Variants in ABCB11 observed in about 807,000 individuals in gnomAD.
The protein encoded by ABCB11 is bile salt export pump.
A neutral mutation model predicts 148.0 loss-of-function variants in ABCB11; 95 were observed. The observed-to-expected ratio is 0.64, with a 90% CI of 0.54 to 0.76. ABCB11 has a LOEUF of 0.76. Ranked by LOEUF, ABCB11 falls within the 30% of genes least tolerant of loss-of-function variation. The pLI is 0.00. For missense variants in ABCB11, 1,523 were observed against 1,617.8 expected, an observed-to-expected ratio of 0.94 and a Z score of 1.01; for synonymous variants, 591 against 555.4, an observed-to-expected ratio of 1.06 and a Z score of -0.90.
intron 21 of ABCB11, among the ~76,000 whole-genome samples, chr2:168,937,852 T>C (rs998961189): frequency 2.0e-5 from 3 of 152,196 alleles, no homozygotes; most frequent in East Asian, 3.8e-4. Flanking sequence ...AGTCCCAATA[T>C]AGATGGAGAA....
intron 19 of ABCB11, among the ~76,000 whole-genome samples, chr2:168,955,828 T>A (rs1391303807): frequency 1.3e-5 from 2 of 151,564 alleles, no homozygotes; most frequent in Non-Finnish European, 3.0e-5. Flanking sequence ...ACTTCCCAGA[T>A]AAAATGGGGG....
rs1218052243 is a variant in ABCB11, at chr2:168,921,759, G to A, written c.*1863C>T. Among the ~76,000 whole-genome samples, 1 of 151,974 alleles carries A rather than the reference G, an allele frequency of 6.6e-6. No homozygotes were observed. The highest frequency in any genetic ancestry group is 2.4e-5 in the African/African-American group (1 of 41,366). On this transcript the variant is annotated 3_prime_UTR_variant, in exon 28 of 28. Coordinates refer to ENST00000650372, the MANE Select transcript of ABCB11 (RefSeq NM_003742.4). Reference sequence around the variant, plus strand: ...GCCTGGGGAAGCTCTGATCGAGTGGGTGCTTGTTGGTTGACAGGTGGGCTT... The same window carrying A: ...GCCTGGGGAAGCTCTGATCGAGTGGATGCTTGTTGGTTGACAGGTGGGCTT...
intron 27 of ABCB11, 71 bp from the exon 28 acceptor site, chr2:168,923,893 A>T: frequency 7.0e-7 from 1 of 1,434,454 alleles, no homozygotes; most frequent in Non-Finnish European, 9.7e-7. Context: ...ATGAGAGTTC[A>T]GTTAACACGA....
intron 18 of ABCB11, among the ~76,000 whole-genome samples, chr2:168,960,866 A>G (rs991724823): frequency 2.6e-5 from 4 of 151,782 alleles, no homozygotes; most frequent in African/African-American, 7.2e-5. Flanking sequence ...ACATAAAGAG[A>G]AGATTATAAA....
chr2:169,012,410 G>C (rs1034062110), intron 5 of ABCB11, among the ~76,000 whole-genome samples: 3 of 152,092 alleles, frequency 2.0e-5, no homozygotes, highest in East Asian at 1.9e-4. Context: ...GTAGCATAGT[G>C]ACTGTGTCTG....
chr2:169,018,209 C>T, intron 1 of ABCB11, 57 bp from the exon 2 acceptor site: 1 of 1,461,152 alleles, frequency 6.8e-7, no homozygotes, highest in East Asian at 2.3e-5. Context: ...CTTCTTTAAT[C>T]AAAGTAGCCA....
At chr2:168,945,173 C>T (rs1311561564) in intron 19 of ABCB11, among the ~76,000 whole-genome samples, 2 of 151,600 alleles carry the variant, frequency 1.3e-5, no homozygotes, top group African/African-American at 4.8e-5. Context: ...ATGTATCATT[C>T]TGGTGGGAGA....
chr2:169,009,294 C>T (rs932616742), intron 5 of ABCB11, among the ~76,000 whole-genome samples: 6 of 152,006 alleles, frequency 3.9e-5, no homozygotes, highest in African/African-American at 1.5e-4. Flanking sequence ...TTTATTGTGG[C>T]ACTATTCACA....
At chr2:169,021,981 A>G (rs1695555097) in intron 1 of ABCB11, among the ~76,000 whole-genome samples, 1 of 152,062 alleles carries the variant, frequency 6.6e-6, no homozygotes, top group African/African-American at 2.4e-5. Flanking sequence ...AAACACTAGT[A>G]AAACACACAC....
chr2:169,017,944 C>T (rs769676833), intron 2 of ABCB11, 106 bp downstream of exon 2: 1 of 891,428 alleles, frequency 1.1e-6, no homozygotes, highest in Non-Finnish European at 1.9e-6. Flanking sequence ...ATACTTCTAC[C>T]TACTGTTGCT....
rs956641869 is a variant in ABCB11, at chr2:169,016,876, C to T, written c.77-77G>A. The T allele has an allele frequency of 4.4e-6, 5 of 1,149,044 alleles. No individual in the cohort carries two copies. In the African/African-American group the frequency reaches 7.9e-5, roughly 18 times the overall value. 71.2% of individuals were successfully genotyped at this position (1,149,044 alleles called of 1,614,324 possible). On this transcript the variant is annotated intron_variant, in intron 2 of 27. Transcript: ENST00000650372. ...TGCAACGCAGTCATTAAGAAATTTG[C>T]TCTAGAAAAATATTCCTATAAATTA... is the stretch of plus-strand genomic sequence containing the variant.
intron 23 of ABCB11, 97 bp downstream of exon 23, chr2:168,935,087 G>C (rs938053971): frequency 1.3e-6 from 2 of 1,499,122 alleles, no homozygotes; most frequent in African/African-American, 1.4e-5. Flanking sequence ...CACCAAGCTT[G>C]GGATGGTTTG....
At chr2:168,943,675 T>G (rs112296270) in intron 21 of ABCB11, among the ~76,000 whole-genome samples, 1 of 152,006 alleles carries the variant, frequency 6.6e-6, no homozygotes, top group Non-Finnish European at 1.5e-5. Context: ...TTTATAGGGA[T>G]TTCCCCCTAA....
intron 15 of ABCB11, 79 bp downstream of exon 15, chr2:168,969,966 C>A: frequency 7.9e-7 from 1 of 1,269,390 alleles, no homozygotes; most frequent in East Asian, 2.6e-5. Context: ...TCCCTCCCAC[C>A]CCACAAGGAG....
Position 168,939,473 on chromosome 2 carries a change from T to C in ABCB11, c.2611-3040A>G, listed in dbSNP as rs149930767. On this transcript the variant is annotated intron_variant, in intron 21 of 27. Coordinates refer to ENST00000650372, the MANE Select transcript of ABCB11 (RefSeq NM_003742.4). ...GGTTTTAGGAACACTACACATAATATGGTTATATTAGGGATATTAATATTT... is the reference window on the plus strand; with the variant it reads ...GGTTTTAGGAACACTACACATAATACGGTTATATTAGGGATATTAATATTT... Among the ~76,000 whole-genome samples, 1,186 of 152,190 alleles carry C rather than the reference T, an allele frequency of 7.8e-3. 16 individuals are homozygous for C. Among genetic ancestry groups the C allele is most frequent in the African/African-American group, 0.027 (1,117 of 41,546 alleles).
chr2:168,943,152 G>A (rs1692143967), intron 21 of ABCB11, among the ~76,000 whole-genome samples: 1 of 151,910 alleles, frequency 6.6e-6, no homozygotes, highest in Non-Finnish European at 1.5e-5. Flanking sequence ...ACCTTCAAAA[G>A]CTCCTTGCAG....
intron 1 of ABCB11, among the ~76,000 whole-genome samples, chr2:169,025,597 T>C (rs1573993742): frequency 6.6e-6 from 1 of 152,240 alleles, no homozygotes; most frequent in East Asian, 1.9e-4. Context: ...TTCTCTTTAC[T>C]TTCCTTCTGT....
Position 168,923,419 on chromosome 2 carries a change from A to C in ABCB11, c.*203T>G. 1.6e-6 allele frequency: 1 copy of C among 615,600 alleles called. No individual in the cohort carries two copies. The highest frequency in any genetic ancestry group is 2.1e-5 in the South Asian group (1 of 48,180). The allele number at this position is 615,600 out of a possible 1,614,324, so 38.1% of individuals were successfully genotyped here. On this transcript the variant is annotated 3_prime_UTR_variant, in exon 28 of 28. Coordinates refer to ENST00000650372, the MANE Select transcript of ABCB11 (RefSeq NM_003742.4). ...CTAGTTTCTTTCATTTTCTGTATAC[A>C]CATCTAAAGCAGAATTATTATGGAA...
chr2:168,966,605 C>T (rs972074336), intron 17 of ABCB11, among the ~76,000 whole-genome samples: 2 of 151,842 alleles, frequency 1.3e-5, no homozygotes, highest in African/African-American at 4.8e-5. Context: ...TCTTTCTCAA[C>T]ATTATTATTT....
Sources: gnomAD v4.1 joint callset for allele counts (sites outside exome capture counted in the v4.1 genomes callset) on GRCh38, gnomAD v4.1.1 for gene constraint, MANE v1.5 for transcripts, NCBI Gene and HGNC (gene_info 2026-07-23, HGNC 2026-07-21) for gene names.